Variants in KLHL34 observed in about 807,000 individuals in gnomAD.
KLHL34 encodes kelch-like protein 34.
In KLHL34, 24 loss-of-function variants were observed where a neutral mutation model predicts 23.8. The ratio of observed to expected loss-of-function variants is 1.01; its 90% CI spans 0.73 to 1.42. The LOEUF (loss-of-function observed/expected upper bound fraction) is 1.42, where lower values mean the gene tolerates loss of function less well. KLHL34 is among the 40% of genes most tolerant of loss of function. KLHL34 has a pLI of 0.00. For missense variants in KLHL34, 652 were observed against 595.1 expected (o/e 1.10, Z -0.99); for synonymous variants, 303 against 287.9 (o/e 1.05, Z -0.53).
rs2092732870 is a variant in KLHL34, at chrX:21,656,467, G to A, written c.1322C>T (p.Ala441Val). The A allele has an allele frequency of 8.4e-7, 1 of 1,195,878 alleles. No individual in the cohort carries two copies. The highest frequency in any genetic ancestry group is 1.1e-6 in the Non-Finnish European group (1 of 889,141). ...ACGCAGGTCGTACATCTCCACCGAG[G>A]CCAGCACCTCACCGCCCGCACCCAG... ...GGLGAGGEVL[A>V]SVEMYDLRRD... The change falls in exon 1 of 1, where the codon GCC becomes GTC. Residue 441 changes from alanine (A) to valine (V), a missense_variant. Transcript: ENST00000379499.
Position 21,656,665 on chromosome X carries a change from C to G in KLHL34, c.1124G>C (p.Ser375Thr), listed in dbSNP as rs772566093. ...GNFLFVLGGE[S>T]PSGSASSPLA... ...GGGAGAGGATGCACTGCCGGAAGGG[C>G]TCTCCCCACCCAGGACAAACAGGAA... Residue 375 changes from serine to threonine, a missense_variant, in exon 1 of 1, where the codon AGC becomes ACC. Coordinates refer to ENST00000379499, the MANE Select transcript of KLHL34 (RefSeq NM_153270.3). 1 of 1,210,972 alleles carries G rather than the reference C, an allele frequency of 8.3e-7. No homozygotes were observed. The highest frequency in any genetic ancestry group is 1.1e-6 in the Non-Finnish European group (1 of 895,339).
chrX:21,657,595 GA>G lies in KLHL34; in HGVS notation c.193del (p.Ser65ProfsTer5). 4 of 1,210,632 alleles carry G rather than the reference GA, an allele frequency of 3.3e-6. No homozygotes were observed. The highest frequency in any genetic ancestry group is 3.4e-6 in the Non-Finnish European group (3 of 895,254). On this transcript the variant is annotated frameshift_variant, in exon 1 of 1. Coordinates refer to ENST00000379499, the MANE Select transcript of KLHL34 (RefSeq NM_153270.3). LOFTEE classifies it high-confidence loss of function. ...GTGCAGGTGGATCACGCGCGCCCGG[GA>G]TTCCTGGGTGTGGCTCTTGAACAGG... ...RALFKSHTQE[S>X]RARVIHLHVP...
At position 21,657,685 on chromosome X, in the gene KLHL34, G is replaced by T. The variant is rs1197393982; in HGVS notation, c.104C>A (p.Thr35Asn). Residue 35 changes from threonine to asparagine, a missense_variant, in exon 1 of 1, where the codon ACC becomes AAC. Transcript: ENST00000379499. ...GTGCGCCGGGAATTCGCTGCCCTCG[G>T]TCTCCAGTGTCACGTCGCACAGGAA... Reference protein sequence around the residue: ...EGFLCDVTLETEGSEFPAHRS... With the variant: ...EGFLCDVTLENEGSEFPAHRS... 1.7e-5 allele frequency: 21 copies of T among 1,204,302 alleles called. No homozygotes were observed. The highest frequency in any genetic ancestry group is 2.1e-5 in the Non-Finnish European group (19 of 894,477).
Position 21,657,060 on chromosome X carries a change from C to G in KLHL34, c.729G>C (p.Val243=), listed in dbSNP as rs746418900. 5 of 1,190,533 alleles carry G rather than the reference C, an allele frequency of 4.2e-6. No homozygotes were observed. In the African/African-American group the frequency reaches 8.7e-5, roughly 21 times the overall value. Residue 243 remains valine (V), a synonymous_variant, in exon 1 of 1, where the codon GTG becomes GTC. Coordinates refer to ENST00000379499, the MANE Select transcript of KLHL34 (RefSeq NM_153270.3). ...LRRVYSGSGL[V]LPARVKGLII... ...TGAGGCCCTTGACCCGGGCGGGCAG[C>G]ACGAGGCCAGAGCCCGAGTACACGC...
At position 21,657,179 on chromosome X, in the gene KLHL34, A is replaced by G; in HGVS notation, c.610T>C (p.Leu204=). 1.7e-6 allele frequency: 2 copies of G among 1,203,880 alleles called. No individual in the cohort carries two copies. The highest frequency in any genetic ancestry group is 2.2e-6 in the Non-Finnish European group (2 of 892,718). ...ARLLGLALAW[L]RQEPTTERLA... ...CGCTCAGTTGTGGGCTCCTGCCGCA[A>G]CCAAGCTAACGCCAGGCCCAGTAGC... is the stretch of plus-strand genomic sequence containing the variant. Residue 204 remains leucine (L), a synonymous_variant, in exon 1 of 1, where the codon TTG becomes CTG. Transcript: ENST00000379499.
chrX:21,656,457 C>G lies in KLHL34; in HGVS notation c.1332G>C (p.Glu444Asp), dbSNP rs377322124. The change falls in exon 1 of 1, where the codon GAG becomes GAC. Residue 444 changes from glutamate (E) to aspartate (D), a missense_variant. Coordinates refer to ENST00000379499, the MANE Select transcript of KLHL34 (RefSeq NM_153270.3). ...AGCGGTCCCGACGCAGGTCGTACAT[C>G]TCCACCGAGGCCAGCACCTCACCGC... Reference protein sequence around the residue: ...GAGGEVLASVEMYDLRRDRWT... With the variant: ...GAGGEVLASVDMYDLRRDRWT... 29 of 1,194,267 alleles carry G rather than the reference C, an allele frequency of 2.4e-5. No individual in the cohort carries two copies. The highest frequency in any genetic ancestry group is 2.3e-4 in the Middle Eastern group (1 of 4,343).
rs754904203 is a variant in KLHL34 at position 21,656,739 on chromosome X, C to A, written c.1050G>T (p.Thr350=). 8.3e-7 allele frequency: 1 copy of A among 1,200,761 alleles called. No individual in the cohort carries two copies. Among genetic ancestry groups the A allele is most frequent in the Non-Finnish European group, 1.1e-6 (1 of 890,142 alleles). Reference sequence around the variant, plus strand: ...GCCCCAGCAGTGGTGTGGGTAGCTGCGTAAGGCTGCGCCAGCGGTGATTGT... The same window carrying A: ...GCCCCAGCAGTGGTGTGGGTAGCTGAGTAAGGCTGCGCCAGCGGTGATTGT... ...DVYNHRWRSL[T]QLPTPLLGHS... Residue 350 remains threonine (T), a synonymous_variant, in exon 1 of 1, where the codon ACG becomes ACT. Transcript: ENST00000379499.
Position 21,657,565 on chromosome X carries a change from G to T in KLHL34, c.224C>A (p.Pro75Gln), listed in dbSNP as rs773138820. 1.7e-6 allele frequency: 2 copies of T among 1,209,954 alleles called. No individual in the cohort carries two copies. The highest frequency in any genetic ancestry group is 5.9e-5 in the East Asian group (2 of 33,751). ...CAGGCGCTGCAGGCCGGCTGCCGAT[G>T]GCACGTGCAGGTGGATCACGCGCGC... is the stretch of plus-strand genomic sequence containing the variant. The part of the protein sequence containing the change: ...SRARVIHLHV[P>Q]SAAGLQRLLD... The change falls in exon 1 of 1, where the codon CCA becomes CAA. Residue 75 changes from proline to glutamine, a missense_variant. Physicochemically the swap from Pro to Gln is moderately conservative, Grantham distance 76 (BLOSUM62 -1). Transcript: ENST00000379499.
chrX:21,657,340 G>A lies in KLHL34; in HGVS notation c.449C>T (p.Ala150Val). 8.6e-7 allele frequency: 1 copy of A among 1,159,251 alleles called. No individual in the cohort carries two copies. Among genetic ancestry groups the A allele is most frequent in the South Asian group, 1.9e-5 (1 of 52,038 alleles). The change falls in exon 1 of 1, where the codon GCC becomes GTC. Residue 150 changes from alanine to valine, a missense_variant. Physicochemically the swap from Ala to Val is moderately conservative, Grantham distance 64 (BLOSUM62 0). Transcript: ENST00000379499. ...CAAGTGGCTCACGATGCAGCGCTCG[G>A]CCGCGTCCAGCGTGTGAGCCAGGCC... ...RFGLAHTLDA[A>V]ERCIVSHLQE...
rs1050644286 is a variant in KLHL34 at position 21,658,001 on chromosome X, C to G, written c.-213G>C. The stretch of plus-strand genomic sequence containing the variant: ...TCTCAGAGCAAATCCAGTCTGGAAA[C>G]GGTTTTCGGAGGCCCCTAGTAACGG... On this transcript the variant is annotated 5_prime_UTR_variant, in exon 1 of 1. Transcript: ENST00000379499. 5.9e-6 allele frequency: 3 copies of G among 507,365 alleles called. No homozygotes were observed. The highest frequency in any genetic ancestry group is 2.4e-5 in the African/African-American group (1 of 42,126). The allele number at this position is 507,365 out of a possible 1,213,427, so 41.8% of individuals were successfully genotyped here.
Position 21,656,963 on chromosome X carries a change from G to C in KLHL34, c.826C>G (p.Arg276Gly), listed in dbSNP as rs765997713. The C allele has an allele frequency of 8.6e-6, 10 of 1,157,355 alleles. No individual in the cohort carries two copies. The East Asian group carries it at 3.0e-4, about 35-fold the overall frequency. Reference sequence around the variant, plus strand: ...AACAAGATGCGGGTCTGGGGGCTCCGGATGCTGGTCTGCTCGCCCTGCATG... The same window carrying C: ...AACAAGATGCGGGTCTGGGGGCTCCCGATGCTGGTCTGCTCGCCCTGCATG... ...PLMQGEQTSIRSPQTRILLVG... is the reference protein window; with the variant it reads ...PLMQGEQTSIGSPQTRILLVG... Residue 276 changes from arginine to glycine, a missense_variant, in exon 1 of 1, where the codon CGG becomes GGG. Arg to Gly is a moderately radical substitution (Grantham distance 125). Transcript: ENST00000379499.
chrX:21,655,793 C>T lies in KLHL34; in HGVS notation c.*61G>A. On this transcript the variant is annotated 3_prime_UTR_variant, in exon 1 of 1. Coordinates refer to ENST00000379499, the MANE Select transcript of KLHL34 (RefSeq NM_153270.3). Reference sequence around the variant, plus strand: ...TCTTAGAAAAAGCCCATCCGTTGCTCTGTAAGACTAACCAAGCGCGACTTT... The same window carrying T: ...TCTTAGAAAAAGCCCATCCGTTGCTTTGTAAGACTAACCAAGCGCGACTTT... 3 of 1,118,096 alleles carry T rather than the reference C, an allele frequency of 2.7e-6. No individual in the cohort carries two copies. The highest frequency in any genetic ancestry group is 3.5e-6 in the Non-Finnish European group (3 of 849,619). The allele number at this position is 1,118,096 out of a possible 1,213,427, so 92.1% of individuals were successfully genotyped here.
In KLHL34 at chrX:21,656,545, C is replaced by G; in HGVS notation, c.1244G>C (p.Arg415Pro). The change falls in exon 1 of 1, where the codon CGG (arginine) becomes CCG (proline). Residue 415 changes from arginine to proline, a missense_variant. Coordinates refer to ENST00000379499, the MANE Select transcript of KLHL34 (RefSeq NM_153270.3). ...WTEVPAMREA[R>P]AHFWCGAVGE... is the part of the protein sequence containing the mutation. ...CACCGCGCCGCACCAGAAGTGGGCC[C>G]GCGCTTCCCGCATGGCGGGCACTTC... The G allele has an allele frequency of 8.3e-7, 1 of 1,197,859 alleles. No individual in the cohort carries two copies. Among genetic ancestry groups the G allele is most frequent in the Non-Finnish European group, 1.1e-6 (1 of 889,180 alleles).
rs2092734212 is a variant in KLHL34, at chrX:21,657,045, G to A, written c.744C>T (p.Val248=). ...SGSGLVLPAR[V]KGLIIQALNY... ...TGAGGGCCTGGATGATGAGGCCCTT[G>A]ACCCGGGCGGGCAGCACGAGGCCAG... The change falls in exon 1 of 1, where the codon GTC becomes GTT. Residue 248 remains valine, a synonymous_variant. Transcript: ENST00000379499. The A allele has an allele frequency of 1.7e-6, 2 of 1,180,930 alleles. No individual in the cohort carries two copies. Among genetic ancestry groups the A allele is most frequent in the Admixed American group, 4.6e-5 (2 of 43,366 alleles).
rs778014244 is a variant in KLHL34, at chrX:21,655,910, C to T, written c.1879G>A (p.Gly627Arg). ...RCAVLQLAEGGDDEREGEVGE... is the reference protein window; with the variant it reads ...RCAVLQLAEGRDDEREGEVGE... ...ACCTCTCCCTCCCTCTCGTCGTCCC[C>T]ACCCTCGGCCAGCTGCAGCACTGCG... Residue 627 changes from glycine (G) to arginine (R), a missense_variant, in exon 1 of 1, where the codon GGG becomes AGG. Coordinates refer to ENST00000379499, the MANE Select transcript of KLHL34 (RefSeq NM_153270.3). 30 of 1,205,910 alleles carry T rather than the reference C, an allele frequency of 2.5e-5. No homozygotes were observed. The Admixed American group carries it at 5.3e-4, about 21-fold the overall frequency.
In KLHL34 at chrX:21,655,899, CTCG is replaced by C. The variant is rs2092731171; in HGVS notation, c.1887_1889del (p.Asp629del). 5 of 1,205,681 alleles carry C rather than the reference CTCG, an allele frequency of 4.1e-6. No individual in the cohort carries two copies. In the East Asian group the frequency reaches 1.5e-4, roughly 36 times the overall value. On this transcript the variant is annotated inframe_deletion, in exon 1 of 1. Transcript: ENST00000379499. ...GCGCCTCTCCAACCTCTCCCTCCCT[CTCG>C]TCGTCCCCACCCTCGGCCAGCTGCA... is the stretch of plus-strand genomic sequence containing the variant.
rs376092129 is a variant in KLHL34 at position 21,656,998 on chromosome X, C to A, written c.791G>T (p.Arg264Leu). The A allele has an allele frequency of 1.7e-6, 2 of 1,160,903 alleles. No homozygotes were observed. The highest frequency in any genetic ancestry group is 2.3e-6 in the Non-Finnish European group (2 of 869,548). The change falls in exon 1 of 1, where the codon CGC becomes CTC. Residue 264 changes from arginine to leucine, a missense_variant. Arg to Leu is a moderately radical substitution (Grantham distance 102). Coordinates refer to ENST00000379499, the MANE Select transcript of KLHL34 (RefSeq NM_153270.3). ...CTGCTCGCCCTGCATGAGCGGCTGG[C>A]GGGAGGGCGTCGTGTGGTAGTTGAG... ...QALNYHTTPS[R>L]QPLMQGEQTS...
In KLHL34 at chrX:21,656,510, G is replaced by C. The variant is rs748894742; in HGVS notation, c.1279C>G (p.Leu427Val). 1.0e-5 allele frequency: 12 copies of C among 1,197,668 alleles called. No homozygotes were observed. The highest frequency in any genetic ancestry group is 1.3e-5 in the Non-Finnish European group (12 of 889,265). ...GCACCCAGGCCCCCGACGGCCAGGA[G>C]CCTCTCGCCCACCGCGCCGCACCAG... ...HFWCGAVGER[L>V]LAVGGLGAGG... Residue 427 changes from leucine (L) to valine (V), a missense_variant, in exon 1 of 1, where the codon CTC becomes GTC. Coordinates refer to ENST00000379499, the MANE Select transcript of KLHL34 (RefSeq NM_153270.3).
Position 21,656,161 on chromosome X carries a change from C to A in KLHL34, c.1628G>T (p.Arg543Leu). ...CCACTGGTCGGCGCCGGGGTCGTAGCGCTCGATCTCAGAGAAGGGCTCGTA... is the reference window on the plus strand; with the variant it reads ...CCACTGGTCGGCGCCGGGGTCGTAGAGCTCGATCTCAGAGAAGGGCTCGTA... ...GRYEPFSEIE[R>L]YDPGADQWTR... is the part of the protein sequence containing the mutation. Residue 543 changes from arginine (R) to leucine (L), a missense_variant, in exon 1 of 1, where the codon CGC becomes CTC. Transcript: ENST00000379499. 1 of 1,174,892 alleles carries A rather than the reference C, an allele frequency of 8.5e-7. No individual in the cohort carries two copies. Among genetic ancestry groups the A allele is most frequent in the Non-Finnish European group, 1.1e-6 (1 of 876,325 alleles).
Sources: allele counts gnomAD v4.1 joint callset, GRCh38; gene constraint gnomAD v4.1.1; transcripts MANE v1.5; gene names NCBI Gene and HGNC (gene_info 2026-07-23, HGNC 2026-07-21).